TASOR: variants seen among roughly 807,000 people sequenced by gnomAD.
TASOR encodes the protein protein TASOR.
TASOR carries 53 observed loss-of-function variants against 178.6 expected under a neutral mutation model. The ratio of observed to expected loss-of-function variants is 0.30; its 90% CI spans 0.24 to 0.37. The LOEUF (loss-of-function observed/expected upper bound fraction) is 0.37, where lower values mean the gene tolerates loss of function less well. TASOR is among the 10% of genes least tolerant of loss of function. TASOR has a pLI of 1.00. For synonymous variants in TASOR, 713 were observed against 696.2 expected (o/e 1.02, Z -0.38); for missense variants, 1,815 against 1,971.4 (o/e 0.92, Z 1.50).
chr3:56,659,565 A>G (rs1307728027), intron 11 of TASOR, among the ~76,000 whole-genome samples: 1 of 152,156 alleles, frequency 6.6e-6, no homozygotes, highest in Non-Finnish European at 1.5e-5. Context: ...TTGTATCATT[A>G]CCTTGTCATC....
intron 1 of TASOR, among the ~76,000 whole-genome samples, chr3:56,681,949 G>T (rs2031831664): frequency 6.6e-6 from 1 of 152,142 alleles, no homozygotes; most frequent in African/African-American, 2.4e-5. Flanking sequence ...TGAGAATAAG[G>T]TAACTTCTCA....
At chr3:56,676,174 G>A (rs570708231) in intron 1 of TASOR, among the ~76,000 whole-genome samples, 3 of 152,116 alleles carry the variant, frequency 2.0e-5, no homozygotes, top group South Asian at 2.1e-4. Flanking sequence ...CTCATTACTC[G>A]TGTTTCCCAC....
At chr3:56,634,252 GCCTC>G (rs1241198520) in intron 17 of TASOR, among the ~76,000 whole-genome samples, 1 of 152,168 alleles carries the variant, frequency 6.6e-6, no homozygotes, top group Non-Finnish European at 1.5e-5. Context: ...GCTTGTTTCT[GCCTC>G]CCTACCATTC....
intron 9 of TASOR, among the ~76,000 whole-genome samples, chr3:56,661,626 T>C (rs1321186440): frequency 6.6e-6 from 1 of 152,200 alleles, no homozygotes; most frequent in East Asian, 1.9e-4. Flanking sequence ...CCCACAATGA[T>C]GGAAGCAAGA....
At chr3:56,670,940 CAAAAAAA>C (rs11300845) in intron 3 of TASOR, among the ~76,000 whole-genome samples, 2 of 54,204 alleles carry the variant, frequency 3.7e-5, no homozygotes, top group African/African-American at 7.4e-5. Flanking sequence ...GACTCCATCT[CAAAAAAA>C]AAAAAAAAAA....
chr3:56,633,842 G>A lies in TASOR; in HGVS notation c.2949C>T (p.Asp983=). The A allele has an allele frequency of 6.2e-7, 1 of 1,613,890 alleles. No individual in the cohort carries two copies. The change falls in exon 18 of 24, where the codon GAC becomes GAT. Residue 983 remains aspartate, a synonymous_variant. Coordinates refer to ENST00000683822, the MANE Select transcript of TASOR (RefSeq NM_001365635.2). ...CATCCTCAGTGGTGCCCTTTAGTGT[G>A]TCTGTAAATGGAGAGGATGGAAACT... The part of the protein sequence containing the change: ...DYQFPSSPFT[D]TLKGTTEDDV...
At chr3:56,670,221 G>C in intron 3 of TASOR, 76 bp from the exon 4 acceptor site, 1 of 911,896 alleles carries the variant, frequency 1.1e-6, no homozygotes, top group Non-Finnish European at 1.6e-6. Context: ...TTATAAACTT[G>C]GTTTAAATAA....
At chr3:56,660,436 A>G (rs2077568972) in intron 11 of TASOR, among the ~76,000 whole-genome samples, 1 of 147,012 alleles carries the variant, frequency 6.8e-6, no homozygotes, top group South Asian at 2.2e-4. Context: ...GATTACAGTG[A>G]GCCAAGATCA....
chr3:56,646,427 T>G (rs910933176), intron 14 of TASOR, 95 bp downstream of exon 14: 2 of 1,005,480 alleles, frequency 2.0e-6, no homozygotes, highest in African/African-American at 3.2e-5. Flanking sequence ...CAGGCTGAAT[T>G]TGACCCTCAG....
chr3:56,665,488 C>T (rs569498884), intron 7 of TASOR, among the ~76,000 whole-genome samples: 3 of 152,160 alleles, frequency 2.0e-5, no homozygotes, highest in Non-Finnish European at 4.4e-5. Context: ...TCCCAAGTAG[C>T]TAGGACTACA....
chr3:56,649,239 C>T (rs1023311521), intron 11 of TASOR, among the ~76,000 whole-genome samples, 182 bp from the exon 12 acceptor site: 9 of 152,196 alleles, frequency 5.9e-5, no homozygotes, highest in East Asian at 3.9e-4. Flanking sequence ...GGATTCCAAT[C>T]AAATAAAAAT....
intron 13 of TASOR, 76 bp from the exon 14 acceptor site, chr3:56,647,299 T>C: frequency 1.7e-6 from 2 of 1,195,476 alleles, no homozygotes; most frequent in Non-Finnish European, 2.3e-6. Flanking sequence ...GATCTAAATA[T>C]TGCCAAAGAA....
At chr3:56,643,400 G>C (rs910101890) in intron 14 of TASOR, among the ~76,000 whole-genome samples, 3 of 152,054 alleles carry the variant, frequency 2.0e-5, no homozygotes, top group Non-Finnish European at 4.4e-5. Flanking sequence ...AGGGGTGGTG[G>C]GAATGGGTTA....
intron 17 of TASOR, among the ~76,000 whole-genome samples, chr3:56,634,203 G>A (rs2076972598): frequency 6.6e-6 from 1 of 152,178 alleles, no homozygotes; most frequent in South Asian, 2.1e-4. Context: ...AAGCGCTCAA[G>A]CAAGCACCAA....
chr3:56,669,971 A>G (rs2030502111), intron 4 of TASOR, 102 bp downstream of exon 4: 7 of 931,464 alleles, frequency 7.5e-6, no homozygotes, highest in Middle Eastern at 2.9e-4. Flanking sequence ...GGAACATAAT[A>G]AAGCATGAAT....
At chr3:56,623,934 G>T in intron 23 of TASOR, 1 of 983,108 alleles carries the variant, frequency 1.0e-6, no homozygotes, top group Non-Finnish European at 1.5e-6. Context: ...AAACTAGTTG[G>T]TTAGCACTAA....
At position 56,642,157 on chromosome 3, in the gene TASOR, T is replaced by C. The variant is rs189876334; in HGVS notation, c.2216-405A>G. Among the ~76,000 whole-genome samples the C allele has an allele frequency of 2.3e-3, 358 of 152,352 alleles. 2 individuals carry two copies. The highest frequency in any genetic ancestry group is 7.9e-3 in the African/African-American group (330 of 41,584). On this transcript the variant is annotated intron_variant, in intron 14 of 23. Transcript: ENST00000683822. ...GGCTACTAAAAAAATGACAATTTGA[T>C]TTCTATCTTTTCCATACCTATTATA...
chr3:56,623,187 C>A lies in TASOR; in HGVS notation c.4863G>T (p.Gly1621=), dbSNP rs1258965042. Residue 1621 remains glycine (G), a synonymous_variant, in exon 24 of 24, where the codon GGG becomes GGT. Coordinates refer to ENST00000683822, the MANE Select transcript of TASOR (RefSeq NM_001365635.2). ...GACTTGATGAAAGGGCATATGGTGT[C>A]CCCAAAAATGTCTGATGAGTGAGAA... ...FNVLTHQTFL[G]TPYALSSSQS... is the part of the protein sequence containing the mutation. 6.2e-7 allele frequency: 1 copy of A among 1,613,664 alleles called. No individual in the cohort carries two copies. The highest frequency in any genetic ancestry group is 8.5e-7 in the Non-Finnish European group (1 of 1,179,872).
chr3:56,680,971 T>C (rs1158779656), intron 1 of TASOR, among the ~76,000 whole-genome samples: 1 of 152,080 alleles, frequency 6.6e-6, no homozygotes, highest in African/African-American at 2.4e-5. Context: ...CTCTGGATTT[T>C]ATCTAATTTT....
Sources: allele counts gnomAD v4.1 joint callset (sites outside exome capture counted in the v4.1 genomes callset), GRCh38; gene constraint gnomAD v4.1.1; transcripts MANE v1.5; gene names NCBI Gene and HGNC (gene_info 2026-07-23, HGNC 2026-07-21).